ANKRD1: variants seen among roughly 807,000 people sequenced by gnomAD.
The protein encoded by ANKRD1 is ankyrin repeat domain 1.
Under a neutral mutation model 40.1 loss-of-function variants are expected in ANKRD1, and 32 were observed. The observed-to-expected ratio is 0.80, with a 90% CI of 0.60 to 1.07. The LOEUF (loss-of-function observed/expected upper bound fraction) is 1.07, where lower values mean the gene tolerates loss of function less well. ANKRD1 is among the 50% of genes least tolerant of loss of function. The probability of loss-of-function intolerance (pLI) is 0.00; values close to 1 mark genes in which losing one functional copy is unlikely to be tolerated. For synonymous variants in ANKRD1, 149 were observed against 141.2 expected, an observed-to-expected ratio of 1.06 and a Z score of -0.39; for missense variants, 359 against 386.0, an observed-to-expected ratio of 0.93 and a Z score of 0.59.
intron 5 of ANKRD1, among the ~76,000 whole-genome samples, chr10:90,917,239 G>A (rs1387923926): frequency 6.6e-6 from 1 of 152,142 alleles, no homozygotes; most frequent in Admixed American, 6.6e-5. Flanking sequence ...AGAAATCACA[G>A]TGATTGAATT....
At chr10:90,916,293 C>G (rs1445768459) in intron 5 of ANKRD1, 24 bp from the exon 6 acceptor site, 2 of 1,558,696 alleles carry the variant, frequency 1.3e-6, no homozygotes, top group African/African-American at 2.7e-5. Flanking sequence ...GAAGACCCGA[C>G]AATGTGAAGG....
intron 3 of ANKRD1, 52 bp from the exon 4 acceptor site, chr10:90,919,024 A>G: frequency 6.6e-7 from 1 of 1,515,262 alleles, no homozygotes. Flanking sequence ...ATAGCATGAG[A>G]GTTACCGTGA....
At chr10:90,919,957 A>C (rs929571216) in intron 2 of ANKRD1, among the ~76,000 whole-genome samples, 1 of 152,226 alleles carries the variant, frequency 6.6e-6, no homozygotes, top group Non-Finnish European at 1.5e-5. Flanking sequence ...GTCACAGCAC[A>C]TTTATTCATT....
intron 5 of ANKRD1, among the ~76,000 whole-genome samples, chr10:90,916,964 C>G (rs1847380027): frequency 2.0e-5 from 3 of 152,158 alleles, no homozygotes; most frequent in Admixed American, 1.3e-4. Flanking sequence ...GAGACCCTCT[C>G]CTCACTGATC....
At chr10:90,918,539 G>C (rs1369427300) in intron 4 of ANKRD1, among the ~76,000 whole-genome samples, 1 of 151,838 alleles carries the variant, frequency 6.6e-6, no homozygotes, top group East Asian at 1.9e-4. Context: ...TTTAATCAAA[G>C]ATGATGCTAA....
chr10:90,916,297 G>T, intron 5 of ANKRD1, 28 bp from the exon 6 acceptor site: 1 of 1,542,900 alleles, frequency 6.5e-7, no homozygotes, highest in South Asian at 1.1e-5. Flanking sequence ...ACCCGACAAT[G>T]TGAAGGAGAA....
chr10:90,913,132 GTCCTT>G (rs1310484603), intron 8 of ANKRD1, among the ~76,000 whole-genome samples, 156 bp from the exon 9 acceptor site: 1 of 152,206 alleles, frequency 6.6e-6, no homozygotes, highest in African/African-American at 2.4e-5. Flanking sequence ...ACTCAAACCA[GTCCTT>G]CACTGTTTCT....
At chr10:90,918,626 T>G (rs1249729994) in intron 4 of ANKRD1, among the ~76,000 whole-genome samples, 1 of 152,032 alleles carries the variant, frequency 6.6e-6, no homozygotes, top group Non-Finnish European at 1.5e-5. Context: ...AAAGAAAAAC[T>G]GAAAAATCAG....
At chr10:90,913,000 T>A (rs775531200) in intron 8 of ANKRD1, 24 bp from the exon 9 acceptor site, 1 of 1,606,768 alleles carries the variant, frequency 6.2e-7, no homozygotes, top group Non-Finnish European at 8.5e-7. Context: ...ATAAGGAAAG[T>A]TGACTTTCAG....
At chr10:90,920,038 C>T in intron 2 of ANKRD1, 131 bp downstream of exon 2, 1 of 1,324,448 alleles carries the variant, frequency 7.6e-7, no homozygotes, top group Non-Finnish European at 1.1e-6. Flanking sequence ...CAAGTTGCCT[C>T]TTTACGGGTT....
At chr10:90,920,449 A>T (rs1490813254) in intron 1 of ANKRD1, 101 bp from the exon 2 acceptor site, 7 of 1,317,730 alleles carry the variant, frequency 5.3e-6, no homozygotes, top group Non-Finnish European at 6.5e-6. Context: ...CTCCCCTGGG[A>T]ACAGCCACCT....
intron 4 of ANKRD1, 36 bp downstream of exon 4, chr10:90,918,829 T>A (rs1847398908): frequency 6.8e-7 from 1 of 1,471,164 alleles, no homozygotes. Flanking sequence ...ATAAAATTAA[T>A]GAGCTGGATT....
At chr10:90,914,910 T>C (rs942883593) in intron 8 of ANKRD1, among the ~76,000 whole-genome samples, 1 of 152,168 alleles carries the variant, frequency 6.6e-6, no homozygotes, top group Admixed American at 6.6e-5. Flanking sequence ...TAAATTAATA[T>C]GTACTTATAC....
chr10:90,919,386 A>C (rs931040650), intron 2 of ANKRD1, 118 bp from the exon 3 acceptor site: 2 of 848,252 alleles, frequency 2.4e-6, no homozygotes, highest in Non-Finnish European at 3.6e-6. Context: ...GAGCAAAAAC[A>C]TTTTTTAAAA....
rs964077582 is a variant in ANKRD1, at chr10:90,915,647, G to C, written c.751-6C>G. The C allele has an allele frequency of 1.2e-6, 2 of 1,613,632 alleles. No individual in the cohort carries two copies. Among genetic ancestry groups the C allele is most frequent in the Non-Finnish European group, 1.7e-6 (2 of 1,179,816 alleles). The stretch of plus-strand genomic sequence containing the variant: ...TGCAACGGGGTATCTCCTTCCTAGA[G>C]AAGCAGAGTCAACAGGTTCAAGGTG... On this transcript the variant is annotated splice_polypyrimidine_tract_variant and splice_region_variant and intron_variant, in intron 7 of 8. Coordinates refer to ENST00000371697, the MANE Select transcript of ANKRD1 (RefSeq NM_014391.3).
rs757551866 is a variant in ANKRD1 at position 90,915,896 on chromosome 10, A to G, written c.652-16T>C. 6.4e-7 allele frequency: 1 copy of G among 1,571,192 alleles called. No individual in the cohort carries two copies. On this transcript the variant is annotated splice_polypyrimidine_tract_variant and intron_variant, in intron 6 of 8. Coordinates refer to ENST00000371697, the MANE Select transcript of ANKRD1 (RefSeq NM_014391.3). Reference sequence around the variant, plus strand: ...TGCTGAGCAACTGGAAAATTGGAAAACGCTGCTGATTCGCTAGGAATGAGG... The same window carrying G: ...TGCTGAGCAACTGGAAAATTGGAAAGCGCTGCTGATTCGCTAGGAATGAGG...
At chr10:90,914,647 A>C (rs909132728) in intron 8 of ANKRD1, among the ~76,000 whole-genome samples, 3 of 151,492 alleles carry the variant, frequency 2.0e-5, no homozygotes, top group Non-Finnish European at 2.9e-5. Flanking sequence ...AAAAGATAAG[A>C]TATTCCTCTC....
rs71025330 is a variant in ANKRD1 at position 90,912,291 on chromosome 10, TAA to T, written c.*573_*574del. 277 of 70,622 alleles carry T rather than the reference TAA, an allele frequency of 3.9e-3. 3 individuals are homozygous for T. The highest frequency in any genetic ancestry group is 0.011 in the African/African-American group (245 of 21,578). 4.4% of individuals were successfully genotyped at this position (70,622 alleles called of 1,614,324 possible). On this transcript the variant is annotated 3_prime_UTR_variant, in exon 9 of 9. Coordinates refer to ENST00000371697, the MANE Select transcript of ANKRD1 (RefSeq NM_014391.3). ...TCACTTGGGTACTCTGTGTACTCGG[TAA>T]AAAAAAAAAAAAAAAAAAAAAAAAA...
rs532262252 is a variant in ANKRD1 at position 90,916,734 on chromosome 10, A to G, written c.553-465T>C. ...CCTGGAACTTCTAACTTCTTTTGTC[A>G]AATGTACACAAAAGTTCTAAACACA... is the stretch of plus-strand genomic sequence containing the variant. On this transcript the variant is annotated intron_variant, in intron 5 of 8. Coordinates refer to ENST00000371697, the MANE Select transcript of ANKRD1 (RefSeq NM_014391.3). 2.1e-3 allele frequency among the ~76,000 whole-genome samples: 324 copies of G among 152,338 alleles called. 1 individual carries two copies. The highest frequency in any genetic ancestry group is 0.01 in the Middle Eastern group (3 of 294).
Sources: allele counts gnomAD v4.1 joint callset (sites outside exome capture counted in the v4.1 genomes callset), GRCh38; gene constraint gnomAD v4.1.1; transcripts MANE v1.5; gene names NCBI Gene and HGNC (gene_info 2026-07-23, HGNC 2026-07-21).